Variants in TBC1D20 observed in about 807,000 individuals in gnomAD.
TBC1D20 encodes the protein TBC1 domain family member 20, also known as chromosome 20 open reading frame 140.
In TBC1D20, 12 loss-of-function variants were observed where a neutral mutation model predicts 41.6. The ratio of observed to expected loss-of-function variants is 0.29; its 90% confidence interval spans 0.18 to 0.47. The LOEUF is 0.47. Among genes scored for constraint, TBC1D20 ranks in the 20% least tolerant of loss-of-function variants. TBC1D20 has a pLI of 1.00. For missense variants in TBC1D20, 421 were observed against 517.4 expected, an observed-to-expected ratio of 0.81 and a Z score of 1.81; for synonymous variants, 205 against 204.8, an observed-to-expected ratio of 1.00 and a Z score of -0.01.
At chr20:447,782 T>TTCATATACCC in intron 2 of TBC1D20, 107 bp downstream of exon 2, 2 of 939,316 alleles carry the variant, frequency 2.1e-6, no homozygotes, top group Non-Finnish European at 3.0e-6. Flanking sequence ...CCTAGATTTA[T>TTCATATACCC]TCATATACCC....
intron 1 of TBC1D20, among the ~76,000 whole-genome samples, chr20:461,783 C>A (rs1348304480): frequency 6.6e-6 from 1 of 152,228 alleles, no homozygotes; most frequent in Non-Finnish European, 1.5e-5. Flanking sequence ...GTAAGGGTTT[C>A]GTTTTGGAAT....
intron 4 of TBC1D20, 34 bp from the exon 5 acceptor site, chr20:441,723 A>G: frequency 6.2e-7 from 1 of 1,608,742 alleles, no homozygotes; most frequent in Non-Finnish European, 8.5e-7. Flanking sequence ...CCTGGTTACC[A>G]AACACTTAGA....
chr20:460,670 G>GA (rs1241340107), intron 1 of TBC1D20, among the ~76,000 whole-genome samples: 2 of 151,882 alleles, frequency 1.3e-5, no homozygotes, highest in African/African-American at 4.8e-5. Context: ...CACTACAATG[G>GA]AAAAAAACAG....
intron 3 of TBC1D20, among the ~76,000 whole-genome samples, chr20:444,327 G>A (rs1272751858): frequency 6.6e-6 from 1 of 152,144 alleles, no homozygotes; most frequent in Non-Finnish European, 1.5e-5. Flanking sequence ...ACAAAAGCCA[G>A]GCCAGAGCAC....
intron 1 of TBC1D20, among the ~76,000 whole-genome samples, chr20:457,199 G>A (rs906415409): frequency 3.9e-5 from 6 of 152,160 alleles, no homozygotes; most frequent in African/African-American, 1.4e-4. Context: ...GCCTCCCAAA[G>A]TGCTAGGATT....
chr20:451,696 T>C (rs924310160), intron 1 of TBC1D20, among the ~76,000 whole-genome samples: 1 of 152,226 alleles, frequency 6.6e-6, no homozygotes, highest in Non-Finnish European at 1.5e-5. Context: ...TTCCTTTTCC[T>C]GCAAAGCCCA....
At chr20:453,110 G>A (rs1414385359) in intron 1 of TBC1D20, among the ~76,000 whole-genome samples, 3 of 126,696 alleles carry the variant, frequency 2.4e-5, no homozygotes, top group African/African-American at 3.0e-5. Context: ...TGCAGATCGC[G>A]CCATTGCACT....
intron 1 of TBC1D20, among the ~76,000 whole-genome samples, chr20:453,260 G>A (rs1180590637): frequency 1.4e-5 from 2 of 145,106 alleles, no homozygotes; most frequent in African/African-American, 5.1e-5. Flanking sequence ...ATCATCTGAG[G>A]TCAGGAGTTC....
intron 1 of TBC1D20, among the ~76,000 whole-genome samples, chr20:458,188 C>A (rs1284000038): frequency 1.3e-5 from 2 of 152,130 alleles, no homozygotes; most frequent in East Asian, 1.9e-4. Context: ...GGGAAAAAAA[C>A]CACTATGCAG....
At chr20:456,319 C>CAGAG (rs1244632189) in intron 1 of TBC1D20, among the ~76,000 whole-genome samples, 2 of 150,610 alleles carry the variant, frequency 1.3e-5, no homozygotes, top group Non-Finnish European at 3.0e-5. Context: ...GTGTCAAGCT[C>CAGAG]TTGACTCAGG....
chr20:438,389 C>T lies in TBC1D20; in HGVS notation c.*197G>A, dbSNP rs2017157789. Reference sequence around the variant, plus strand: ...GAGGCATAAGATTCTGTGCCAGGCCCCCAGGTCCCCTCTGTGTCAGGTAGG... The same window carrying T: ...GAGGCATAAGATTCTGTGCCAGGCCTCCAGGTCCCCTCTGTGTCAGGTAGG... On this transcript the variant is annotated 3_prime_UTR_variant, in exon 8 of 8. Coordinates refer to ENST00000354200, the MANE Select transcript of TBC1D20 (RefSeq NM_144628.4). The T allele has an allele frequency of 1.6e-6, 1 of 620,430 alleles. No individual in the cohort carries two copies. Among genetic ancestry groups the T allele is most frequent in the South Asian group, 2.1e-5 (1 of 47,324 alleles). The allele number at this position is 620,430 out of a possible 1,614,324, so 38.4% of individuals were successfully genotyped here.
chr20:455,761 C>T (rs996711686), intron 1 of TBC1D20, among the ~76,000 whole-genome samples: 1 of 150,700 alleles, frequency 6.6e-6, no homozygotes, highest in Non-Finnish European at 1.5e-5. Flanking sequence ...GGCGAAACCC[C>T]GTCTCCACTA....
chr20:448,005 A>C lies in TBC1D20; in HGVS notation c.140T>G (p.Val47Gly). The C allele has an allele frequency of 6.2e-7, 1 of 1,614,128 alleles. No homozygotes were observed. The highest frequency in any genetic ancestry group is 8.5e-7 in the Non-Finnish European group (1 of 1,179,950). The change falls in exon 2 of 8, where the codon GTG becomes GGG. Residue 47 changes from valine to glycine, a missense_variant. Around this residue, in one of 3 missense-constraint regions of TBC1D20, gnomAD observed 150 missense variants for 151.3 expected, o/e 0.99. Coordinates refer to ENST00000354200, the MANE Select transcript of TBC1D20 (RefSeq NM_144628.4). ...GATAGCCATGCGTCTAAGGGCAGCC[A>C]CATCAGTGGGATCACTGTTCAGAGC... ...HQALNSDPTD[V>G]AALRRMAISE...
intron 1 of TBC1D20, among the ~76,000 whole-genome samples, chr20:461,697 C>T (rs2017633053): frequency 6.6e-6 from 1 of 152,210 alleles, no homozygotes; most frequent in African/African-American, 2.4e-5. Flanking sequence ...AAATAGGTGG[C>T]AGAAGACAGA....
Position 438,664 on chromosome 20 carries a change from T to C in TBC1D20, c.1134A>G (p.Ala378=). 6.2e-7 allele frequency: 1 copy of C among 1,614,196 alleles called. No individual in the cohort carries two copies. Among genetic ancestry groups the C allele is most frequent in the Non-Finnish European group, 8.5e-7 (1 of 1,180,024 alleles). The change falls in exon 8 of 8, where the codon GCA becomes GCG. Residue 378 remains alanine (A), a synonymous_variant. Coordinates refer to ENST00000354200, the MANE Select transcript of TBC1D20 (RefSeq NM_144628.4). Reference sequence around the variant, plus strand: ...CCACAGCCAGTGCAGCCGCTCCAAGTGCCACTGTCAGCCCCATCACTGCCA... The same window carrying C: ...CCACAGCCAGTGCAGCCGCTCCAAGCGCCACTGTCAGCCCCATCACTGCCA... ...VKLAVMGLTV[A]LGAAALAVVK...
chr20:449,848 A>T (rs2017412943), intron 1 of TBC1D20, among the ~76,000 whole-genome samples: 1 of 152,236 alleles, frequency 6.6e-6, no homozygotes, highest in Non-Finnish European at 1.5e-5. Flanking sequence ...TTAGTACGTA[A>T]TATGCAAAGC....
chr20:455,505 C>T (rs941315510), intron 1 of TBC1D20, among the ~76,000 whole-genome samples: 2 of 151,918 alleles, frequency 1.3e-5, no homozygotes, highest in South Asian at 4.2e-4. Flanking sequence ...GTAGTCCCAT[C>T]TACTCAGGAG....
In TBC1D20 at chr20:439,407, G is replaced by A; in HGVS notation, c.769-112C>T. On this transcript the variant is annotated intron_variant, in intron 6 of 7. Transcript: ENST00000354200. This position sits in a 1 kb window ranked among gnomAD's most constrained non-coding sequence, Gnocchi z 4.6. ...TTAAACTGGTAACAGACAGGACTCA[G>A]CCCAAATGTTGAGCAAACTCTTGTA... The A allele has an allele frequency of 1.3e-6, 1 of 789,082 alleles. No individual in the cohort carries two copies. The highest frequency in any genetic ancestry group is 2.0e-6 in the Non-Finnish European group (1 of 492,196). 48.9% of individuals were successfully genotyped at this position (789,082 alleles called of 1,614,324 possible).
At chr20:452,269 T>C (rs1040678012) in intron 1 of TBC1D20, among the ~76,000 whole-genome samples, 1 of 152,084 alleles carries the variant, frequency 6.6e-6, no homozygotes, top group Admixed American at 6.6e-5. Context: ...ATCGCACAAC[T>C]GCACTCCAGC....
Sources: gnomAD v4.1 joint callset for allele counts (sites outside exome capture counted in the v4.1 genomes callset) on GRCh38, gnomAD v4.1.1 for gene constraint, gnomAD v4.1.1 regional missense constraint, Gnocchi (gnomAD v3.1) non-coding constraint, MANE v1.5 for transcripts, NCBI Gene and HGNC (gene_info 2026-07-23, HGNC 2026-07-21) for gene names.